Variants in NTRK3 observed in about 807,000 individuals in gnomAD.
The protein encoded by NTRK3 is neurotrophic receptor tyrosine kinase 3, also known as NT-3 growth factor receptor.
Under a neutral mutation model 91.7 loss-of-function variants are expected in NTRK3, and 24 were observed. The observed-to-expected ratio is 0.26, with a 90% CI of 0.19 to 0.37. NTRK3 has a LOEUF of 0.37. Among genes scored for constraint, NTRK3 ranks in the 10% least tolerant of loss-of-function variants. NTRK3 has a pLI of 1.00. For synonymous variants in NTRK3, 483 were observed against 404.0 expected (o/e 1.20, Z -2.34); for missense variants, 880 against 1,068.9 (o/e 0.82, Z 2.46).
Position 88,157,202 on chromosome 15 carries a change from C to A in NTRK3, c.396-9799G>T, listed in dbSNP as rs372064470. Among the ~76,000 whole-genome samples the A allele has an allele frequency of 1.1e-4, 16 of 152,182 alleles. No individual in the cohort carries two copies. The East Asian group carries it at 3.1e-3, about 29-fold the overall frequency. Reference sequence around the variant, plus strand: ...CCAGTGGGTGTCAAGAGGATGAAGGCGCTCTCGCTCCCTCTTCTTCCCTCT... The same window carrying A: ...CCAGTGGGTGTCAAGAGGATGAAGGAGCTCTCGCTCCCTCTTCTTCCCTCT... On this transcript the variant is annotated intron_variant, in intron 5 of 18. Transcript: ENST00000394480.
intron 14 of NTRK3, chr15:87,977,608 A>T (rs1031896398): frequency 1.7e-5 from 4 of 231,748 alleles, no homozygotes; most frequent in Admixed American, 5.6e-5. Flanking sequence ...CCAAAGCATC[A>T]GCAGGGCACA....
At chr15:88,239,991 G>A (rs908117409) in intron 3 of NTRK3, among the ~76,000 whole-genome samples, 13 of 151,924 alleles carry the variant, frequency 8.6e-5, no homozygotes, top group African/African-American at 3.1e-4. Context: ...GCACGCCAAA[G>A]CTTAATAACT....
chr15:88,049,150 A>T (rs1341525324), intron 13 of NTRK3, among the ~76,000 whole-genome samples: 1 of 152,212 alleles, frequency 6.6e-6, no homozygotes, highest in African/African-American at 2.4e-5. Context: ...GGTGCTGAAG[A>T]GACAGAAAAG....
chr15:87,867,101 G>A (rs1596032394), exon 19 of NTRK3: 2 of 225,460 alleles, frequency 8.9e-6, no homozygotes, highest in African/African-American at 4.4e-5. Flanking sequence ...ACAGACTGAG[G>A]CATTATAATA....
intron 13 of NTRK3, among the ~76,000 whole-genome samples, chr15:88,063,555 T>G (rs2046395477): frequency 2.0e-5 from 3 of 152,210 alleles, no homozygotes; most frequent in African/African-American, 7.2e-5. Flanking sequence ...CTCTTAGCAC[T>G]GTAGCTGGTC....
intron 5 of NTRK3, among the ~76,000 whole-genome samples, chr15:88,171,314 T>C (rs1300019746): frequency 2.6e-5 from 4 of 152,166 alleles, no homozygotes; most frequent in African/African-American, 7.2e-5. Context: ...CTCTTGGTAA[T>C]GGCAATACAC....
intron 13 of NTRK3, among the ~76,000 whole-genome samples, chr15:88,102,681 A>T (rs1437316482): frequency 6.6e-6 from 1 of 152,214 alleles, no homozygotes; most frequent in African/African-American, 2.4e-5. Flanking sequence ...GGAAGGAAGA[A>T]TTGGCTTGAA....
chr15:88,190,366 A>T (rs2047291148), intron 3 of NTRK3, among the ~76,000 whole-genome samples: 1 of 152,204 alleles, frequency 6.6e-6, no homozygotes. Context: ...CAGAGTAGAC[A>T]GATCATGATT....
intron 14 of NTRK3, among the ~76,000 whole-genome samples, chr15:87,973,800 G>C (rs2073462760): frequency 1.3e-5 from 2 of 152,048 alleles, no homozygotes; most frequent in Admixed American, 1.3e-4. Flanking sequence ...TCACAGAGAA[G>C]ACTCCAAGCA....
At chr15:88,176,932 A>G (rs1337267019) in intron 5 of NTRK3, among the ~76,000 whole-genome samples, 4 of 152,186 alleles carry the variant, frequency 2.6e-5, no homozygotes, top group Admixed American at 2.6e-4. Context: ...GAAGGCCACA[A>G]AGTTTGAGTA....
intron 13 of NTRK3, among the ~76,000 whole-genome samples, chr15:88,119,294 C>T (rs1305591934): frequency 6.6e-6 from 1 of 152,178 alleles, no homozygotes; most frequent in Non-Finnish European, 1.5e-5. Flanking sequence ...TGGGGTGGGC[C>T]TTTGTCTGCA....
At chr15:88,035,801 A>C (rs912072065) in intron 13 of NTRK3, among the ~76,000 whole-genome samples, 3 of 152,210 alleles carry the variant, frequency 2.0e-5, no homozygotes, top group African/African-American at 7.2e-5. Flanking sequence ...ATATCCTCAG[A>C]GATGTCAGTG....
intron 3 of NTRK3, among the ~76,000 whole-genome samples, chr15:88,210,792 A>G (rs889458689): frequency 1.3e-5 from 2 of 152,238 alleles, no homozygotes; most frequent in African/African-American, 4.8e-5. Context: ...ACCAAAGAGC[A>G]TAACTTCTGC....
chr15:88,073,789 C>T (rs977687946), intron 13 of NTRK3, among the ~76,000 whole-genome samples: 8 of 152,138 alleles, frequency 5.3e-5, no homozygotes, highest in Admixed American at 2.0e-4. Flanking sequence ...CCCCCCGCCC[C>T]ACCCCGCAGG....
At chr15:87,958,584 G>C (rs1300947645) in intron 14 of NTRK3, among the ~76,000 whole-genome samples, 2 of 152,080 alleles carry the variant, frequency 1.3e-5, no homozygotes, top group Admixed American at 1.3e-4. Flanking sequence ...CCCTAGCCCA[G>C]GAGTTTTCCT....
At chr15:88,162,809 C>T (rs933276901) in intron 5 of NTRK3, among the ~76,000 whole-genome samples, 1 of 152,194 alleles carries the variant, frequency 6.6e-6, no homozygotes, top group Non-Finnish European at 1.5e-5. Context: ...CTTCCTGTCT[C>T]TTTTTTCCAG....
At chr15:87,987,214 T>G (rs2074892546) in intron 14 of NTRK3, among the ~76,000 whole-genome samples, 1 of 152,244 alleles carries the variant, frequency 6.6e-6, no homozygotes, top group South Asian at 2.1e-4. Context: ...ATCCTTAACA[T>G]AATTCTATTG....
chr15:87,980,084 C>A (rs1328915696), intron 14 of NTRK3, among the ~76,000 whole-genome samples: 1 of 152,172 alleles, frequency 6.6e-6, no homozygotes, highest in African/African-American at 2.4e-5. Context: ...GATCTCTGAG[C>A]CTTGCCATCT....
intron 13 of NTRK3, among the ~76,000 whole-genome samples, chr15:88,109,073 T>G (rs1375934985): frequency 6.6e-6 from 1 of 152,242 alleles, no homozygotes; most frequent in Non-Finnish European, 1.5e-5. Context: ...CCATTTCTAG[T>G]CAGCGGATGC....
Sources: allele counts gnomAD v4.1 joint callset (sites outside exome capture counted in the v4.1 genomes callset), GRCh38; gene constraint gnomAD v4.1.1; transcripts MANE v1.5; gene names NCBI Gene and HGNC (gene_info 2026-07-23, HGNC 2026-07-21).